PTK2: variants seen among roughly 807,000 people sequenced by gnomAD.
PTK2 encodes the protein protein tyrosine kinase 2.
PTK2 carries 45 observed loss-of-function variants against 150.1 expected under a neutral mutation model. The ratio of observed to expected loss-of-function variants is 0.30; its 90% confidence interval spans 0.24 to 0.38. The LOEUF (loss-of-function observed/expected upper bound fraction) is 0.38, where lower values mean the gene tolerates loss of function less well. PTK2 is among the 10% of genes least tolerant of loss of function. The pLI, the probability that PTK2 is intolerant of heterozygous loss-of-function variation, is 1.00. For missense variants in PTK2, 919 were observed against 1,307.3 expected (o/e 0.70, Z 4.58); for synonymous variants, 432 against 449.2 (o/e 0.96, Z 0.48).
rs191667344 is a variant in PTK2, at chr8:140,736,632, G to A, written c.1826-1177C>T. On this transcript the variant is annotated intron_variant, in intron 21 of 31. Transcript: ENST00000522684. ...AAAGGAAATGGAAAGAACTGGTGGC[G>A]TAAAGGATGGATGTTTTCTCCTAGT... Among the ~76,000 whole-genome samples, 8 of 152,268 alleles carry A rather than the reference G, an allele frequency of 5.3e-5. No homozygotes were observed. In the South Asian group the frequency reaches 6.2e-4, roughly 12 times the overall value.
intron 1 of PTK2, among the ~76,000 whole-genome samples, chr8:140,967,461 CTTTTTTTTT>C (rs137959476): frequency 1.6e-5 from 2 of 121,544 alleles, no homozygotes; most frequent in South Asian, 5.5e-4. Flanking sequence ...TTCTTTCTTT[CTTTTTTTTT>C]TTTTTTTTGA....
At chr8:140,921,480 T>C (rs2154608284) in intron 2 of PTK2, among the ~76,000 whole-genome samples, 1 of 152,350 alleles carries the variant, frequency 6.6e-6, no homozygotes, top group South Asian at 2.1e-4. Flanking sequence ...TAATTCTTTA[T>C]GACCTTAGAG....
intron 1 of PTK2, among the ~76,000 whole-genome samples, chr8:140,980,001 A>G (rs1206169652): frequency 2.6e-5 from 4 of 152,246 alleles, no homozygotes; most frequent in Admixed American, 6.5e-5. Flanking sequence ...ATAAATTGGT[A>G]TAACTACTTT....
chr8:140,966,247 G>A (rs2100185246), intron 1 of PTK2, among the ~76,000 whole-genome samples: 4 of 152,130 alleles, frequency 2.6e-5, no homozygotes, highest in Admixed American at 2.6e-4. Flanking sequence ...CATGATTATC[G>A]ATAAACATTT....
intron 27 of PTK2, among the ~76,000 whole-genome samples, chr8:140,682,647 A>C (rs1000091365): frequency 5.9e-4 from 89 of 152,062 alleles, no homozygotes; most frequent in Non-Finnish European, 7.4e-4. Flanking sequence ...AAAAAAAAAA[A>C]AACCGAAATC....
intron 5 of PTK2, among the ~76,000 whole-genome samples, chr8:140,846,950 A>T (rs918766014): frequency 1.2e-4 from 19 of 152,204 alleles, no homozygotes; most frequent in African/African-American, 4.1e-4. Context: ...GCCTGATGTT[A>T]AAGATATAAA....
chr8:140,943,833 T>C (rs969899716), intron 1 of PTK2, among the ~76,000 whole-genome samples: 3 of 152,226 alleles, frequency 2.0e-5, no homozygotes, highest in African/African-American at 4.8e-5. Flanking sequence ...CGACTACTAA[T>C]GTGGAACATC....
intron 1 of PTK2, among the ~76,000 whole-genome samples, chr8:140,979,424 A>T (rs1330084369): frequency 6.6e-6 from 1 of 151,900 alleles, no homozygotes; most frequent in Non-Finnish European, 1.5e-5. Flanking sequence ...AAGGCCAGAA[A>T]CTTAATAGGT....
chr8:140,883,728 A>G (rs1212141936), intron 3 of PTK2, among the ~76,000 whole-genome samples: 1 of 151,760 alleles, frequency 6.6e-6, no homozygotes, highest in Non-Finnish European at 1.5e-5. Context: ...GTCCTTCTAA[A>G]AGTCTTCCAA....
intron 14 of PTK2, among the ~76,000 whole-genome samples, chr8:140,776,626 T>C (rs923532510): frequency 2.0e-5 from 3 of 152,162 alleles, no homozygotes; most frequent in Non-Finnish European, 2.9e-5. Context: ...TAGTGCCATT[T>C]AGTGAGTGGA....
chr8:140,955,497 T>A (rs1331375273), intron 1 of PTK2, among the ~76,000 whole-genome samples: 2 of 152,208 alleles, frequency 1.3e-5, no homozygotes, highest in African/African-American at 2.4e-5. Context: ...AAGTATGTCT[T>A]TATTAGCAGT....
intron 2 of PTK2, chr8:140,921,211 G>C: frequency 6.6e-6 from 6 of 906,454 alleles, no homozygotes; most frequent in Non-Finnish European, 8.3e-6. Flanking sequence ...CCATGGCTCT[G>C]TGTTCCTAGA....
At chr8:140,695,591 A>C (rs2100026056) in intron 26 of PTK2, among the ~76,000 whole-genome samples, 1 of 152,106 alleles carries the variant, frequency 6.6e-6, no homozygotes, top group African/African-American at 2.4e-5. Context: ...TTGTATTTTT[A>C]GTAGAGATGG....
intron 22 of PTK2, among the ~76,000 whole-genome samples, chr8:140,732,411 T>G (rs1306541393): frequency 6.6e-6 from 1 of 152,232 alleles, no homozygotes; most frequent in Non-Finnish European, 1.5e-5. Flanking sequence ...TCTAAAAATA[T>G]GTATTGGATA....
At chr8:140,860,311 TA>T (rs1279723333) in intron 5 of PTK2, among the ~76,000 whole-genome samples, 4 of 152,206 alleles carry the variant, frequency 2.6e-5, no homozygotes, top group Non-Finnish European at 5.9e-5. Context: ...AATAAATTCA[TA>T]AAAGTAGAAT....
At position 140,769,602 on chromosome 8, in the gene PTK2, C is replaced by T. The variant is rs2100074422; in HGVS notation, c.1178-5312G>A. 3.7e-6 allele frequency: 5 copies of T among 1,358,930 alleles called. No homozygotes were observed. The highest frequency in any genetic ancestry group is 4.9e-6 in the Non-Finnish European group (5 of 1,024,884). The allele number at this position is 1,358,930 out of a possible 1,614,324, so 84.2% of individuals were successfully genotyped here. A position where few individuals can be genotyped will look rare whatever the true frequency, so the allele number is the denominator to read the frequency against. ...TCCCCACTAATTTCATCTGCAGATC[C>T]GGGTGGCATGCAAAGAAAGGGAAGT... On this transcript the variant is annotated intron_variant, in intron 14 of 31. Transcript: ENST00000522684.
At chr8:140,843,548 A>T (rs1018743752) in intron 7 of PTK2, among the ~76,000 whole-genome samples, 3 of 152,310 alleles carry the variant, frequency 2.0e-5, no homozygotes, top group African/African-American at 7.2e-5. Flanking sequence ...AAAGATGATC[A>T]CATGTGTTCC....
At chr8:140,819,132 ATTACTGCC>A in intron 8 of PTK2, 112 bp from the exon 9 acceptor site, 2 of 1,029,856 alleles carry the variant, frequency 1.9e-6, no homozygotes, top group African/African-American at 3.3e-5. Context: ...CTACATTCAA[ATTACTGCC>A]AAAAAGTATA....
intron 8 of PTK2, chr8:140,822,505 C>T (rs1466032481): frequency 6.6e-6 from 1 of 152,150 alleles, no homozygotes; most frequent in Non-Finnish European, 1.5e-5. Context: ...CAAACAGAGA[C>T]TGAAACATTA....
Sources: gnomAD v4.1 joint callset for allele counts (sites outside exome capture counted in the v4.1 genomes callset) on GRCh38, gnomAD v4.1.1 for gene constraint, MANE v1.5 for transcripts, NCBI Gene and HGNC (gene_info 2026-07-23, HGNC 2026-07-21) for gene names.